CCDC149: variants seen among roughly 807,000 people sequenced by gnomAD.
CCDC149 encodes coiled-coil domain containing 149, also known as coiled-coil domain-containing protein 149.
In CCDC149, 45 loss-of-function variants were observed where a neutral mutation model predicts 59.9. That is an observed-to-expected ratio of 0.75 (90% CI 0.59 to 0.96). The LOEUF (loss-of-function observed/expected upper bound fraction) is 0.96, where lower values mean the gene tolerates loss of function less well. CCDC149 is among the 40% of genes least tolerant of loss of function. CCDC149 has a pLI of 0.00. For synonymous variants in CCDC149, 245 were observed against 260.6 expected (o/e 0.94, Z 0.58); for missense variants, 584 against 664.7 (o/e 0.88, Z 1.33).
At chr4:24,805,108 C>T (rs537643896), downstream of CCDC149, among the ~76,000 whole-genome samples, 10 of 152,302 alleles carry the variant, frequency 6.6e-5, no homozygotes, top group Non-Finnish European at 1.3e-4. Flanking sequence ...AAAAGAAAGA[C>T]AAACGCTCAT....
chr4:24,838,670 C>T (rs1391788710), intron 4 of CCDC149, among the ~76,000 whole-genome samples: 2 of 151,980 alleles, frequency 1.3e-5, no homozygotes, highest in Non-Finnish European at 2.9e-5. Flanking sequence ...AGTGTCCCTA[C>T]CCAATGATCC....
intron 1 of CCDC149, among the ~76,000 whole-genome samples, chr4:24,939,354 T>C (rs1006294231): frequency 2.0e-5 from 3 of 152,032 alleles, no homozygotes; most frequent in African/African-American, 4.8e-5. Flanking sequence ...GAAGGAAAAC[T>C]AACAAACAGA....
At chr4:24,973,774 G>A (rs1430365567) in intron 1 of CCDC149, among the ~76,000 whole-genome samples, 2 of 152,230 alleles carry the variant, frequency 1.3e-5, no homozygotes, top group Admixed American at 6.5e-5. Flanking sequence ...TTACAACTGA[G>A]GAGTTCTGTG....
intron 1 of CCDC149, among the ~76,000 whole-genome samples, chr4:24,909,708 G>T (rs1275309799): frequency 6.6e-6 from 1 of 152,102 alleles, no homozygotes; most frequent in Non-Finnish European, 1.5e-5. Context: ...TAATGTTCTC[G>T]TGATAGTGAA....
intron 1 of CCDC149, among the ~76,000 whole-genome samples, chr4:24,929,373 C>T (rs1451837741): frequency 6.6e-6 from 1 of 152,144 alleles, no homozygotes; most frequent in Non-Finnish European, 1.5e-5. Context: ...TTTACAAAAT[C>T]TCTTCTCCCT....
intron 1 of CCDC149, among the ~76,000 whole-genome samples, chr4:24,883,981 C>T (rs1227847369): frequency 6.6e-6 from 1 of 152,170 alleles, no homozygotes; most frequent in Non-Finnish European, 1.5e-5. Context: ...TGGTTCAACA[C>T]ATTACCTGTG....
chr4:24,955,152 G>C (rs1187206092), intron 1 of CCDC149, among the ~76,000 whole-genome samples: 1 of 152,064 alleles, frequency 6.6e-6, no homozygotes, highest in Admixed American at 6.6e-5. Flanking sequence ...TTTTCCCTTG[G>C]TTCTGGAGAC....
At chr4:24,918,453 GC>G (rs1423174939) in intron 1 of CCDC149, among the ~76,000 whole-genome samples, 1 of 152,092 alleles carries the variant, frequency 6.6e-6, no homozygotes, top group African/African-American at 2.4e-5. Flanking sequence ...CTAATGACGT[GC>G]CCCTCTCCCA....
intron 1 of CCDC149, among the ~76,000 whole-genome samples, chr4:24,905,335 T>C (rs1017928811): frequency 1.3e-5 from 2 of 152,116 alleles, no homozygotes; most frequent in African/African-American, 4.8e-5. Context: ...TTAACTTTGA[T>C]ATGTCAACCT....
intron 11 of CCDC149, 170 bp from the exon 12 acceptor site, chr4:24,820,145 C>A: frequency 1.7e-6 from 1 of 588,082 alleles, no homozygotes; most frequent in Admixed American, 3.0e-5. Context: ...TATTGCACCA[C>A]CCTAGCCCTA....
chr4:24,958,226 G>A (rs370439897), intron 1 of CCDC149, among the ~76,000 whole-genome samples: 42 of 152,176 alleles, frequency 2.8e-4, no homozygotes, highest in Admixed American at 8.5e-4. Flanking sequence ...ATATGGTAGC[G>A]TACCTTGAAG....
intron 2 of CCDC149, among the ~76,000 whole-genome samples, chr4:24,874,765 C>T (rs1286671480): frequency 6.6e-6 from 1 of 152,144 alleles, no homozygotes; most frequent in Non-Finnish European, 1.5e-5. Context: ...TACTCCAGGG[C>T]AGTTTAATAA....
At chr4:24,918,249 C>T (rs908003835) in intron 1 of CCDC149, among the ~76,000 whole-genome samples, 1 of 152,062 alleles carries the variant, frequency 6.6e-6, no homozygotes, top group Non-Finnish European at 1.5e-5. Context: ...TTCTTCTGTA[C>T]TGTAGAAGAA....
At chr4:24,970,350 T>C (rs1723922860) in intron 1 of CCDC149, among the ~76,000 whole-genome samples, 1 of 152,198 alleles carries the variant, frequency 6.6e-6, no homozygotes, top group Non-Finnish European at 1.5e-5. Flanking sequence ...GCTGGAGACT[T>C]GGACACCTGT....
At chr4:24,953,177 T>G (rs1577503762) in intron 1 of CCDC149, among the ~76,000 whole-genome samples, 1 of 152,294 alleles carries the variant, frequency 6.6e-6, no homozygotes, top group South Asian at 2.1e-4. Flanking sequence ...GGGATACCAC[T>G]TCTCTAGCAT....
downstream of CCDC149, among the ~76,000 whole-genome samples, chr4:24,804,015 T>C (rs73099394): frequency 2.1e-3 from 314 of 152,254 alleles, 1 homozygote; most frequent in African/African-American, 7.5e-3. Flanking sequence ...CAAATTTTTC[T>C]CTCTTCAGGA....
chr4:24,809,602 G>GT (rs112081743), intron 12 of CCDC149, among the ~76,000 whole-genome samples: 10,736 of 152,266 alleles, frequency 0.071, 1,265 homozygotes, highest in African/African-American at 0.24. Context: ...CCAGCTCTTA[G>GT]TACCCGGGCA....
intron 1 of CCDC149, among the ~76,000 whole-genome samples, chr4:24,938,050 A>C (rs1041217202): frequency 1.3e-5 from 2 of 152,224 alleles, no homozygotes; most frequent in Non-Finnish European, 2.9e-5. Flanking sequence ...AGCACAGAGC[A>C]TATGCTTGAA....
intron 1 of CCDC149, among the ~76,000 whole-genome samples, chr4:24,925,578 C>T (rs1390318614): frequency 6.6e-6 from 1 of 152,190 alleles, no homozygotes; most frequent in African/African-American, 2.4e-5. Context: ...ACTTACAAAT[C>T]TCTTTGAGTC....
Sources: gnomAD v4.1 joint callset for allele counts (sites outside exome capture counted in the v4.1 genomes callset) on GRCh38, gnomAD v4.1.1 for gene constraint, MANE v1.5 for transcripts, NCBI Gene and HGNC (gene_info 2026-07-23, HGNC 2026-07-21) for gene names.